The following LPAR1 variants were observed in gnomAD, a reference collection of about 807,000 sequenced individuals.
LPAR1 encodes the protein LPA receptor 1.
Under a neutral mutation model 23.8 loss-of-function variants are expected in LPAR1, and 5 were observed. The observed-to-expected ratio is 0.21, with a 90% CI of 0.11 to 0.44. The LOEUF (loss-of-function observed/expected upper bound fraction) is 0.44, where lower values mean the gene tolerates loss of function less well. Ranked by LOEUF, LPAR1 falls within the 20% of genes least tolerant of loss-of-function variation. The pLI is 0.99. For missense variants in LPAR1, 311 were observed against 482.8 expected (o/e 0.64, Z 3.33); for synonymous variants, 160 against 164.7 (o/e 0.97, Z 0.22).
intron 2 of LPAR1, among the ~76,000 whole-genome samples, chr9:111,022,541 A>G (rs1012503454): frequency 6.6e-6 from 1 of 152,256 alleles, no homozygotes; most frequent in African/African-American, 2.4e-5. Context: ...TTACCATTAT[A>G]TTCAAATCAA....
At chr9:110,958,641 C>A (rs371976675) in intron 4 of LPAR1, among the ~76,000 whole-genome samples, 1 of 151,974 alleles carries the variant, frequency 6.6e-6, no homozygotes, top group Non-Finnish European at 1.5e-5. Context: ...GGAAACACTT[C>A]GGGGCACTGA....
chr9:110,963,647 T>G, intron 4 of LPAR1, among the ~76,000 whole-genome samples: 1 of 151,914 alleles, frequency 6.6e-6, no homozygotes, highest in South Asian at 2.1e-4. Context: ...ACCCTAAAAC[T>G]TAAAGTGTAA....
chr9:111,019,613 A>G (rs1811259), intron 2 of LPAR1, among the ~76,000 whole-genome samples: 96,926 of 151,722 alleles, frequency 0.64, 31,973 homozygotes, highest in African/African-American at 0.81. Flanking sequence ...CGAGGCGGGC[A>G]GATCACAAGG....
chr9:110,932,801 T>C (rs2094488285), intron 5 of LPAR1, among the ~76,000 whole-genome samples: 1 of 152,182 alleles, frequency 6.6e-6, no homozygotes, highest in Admixed American at 6.5e-5. Context: ...AGTTGGAACA[T>C]TTCATCCCTA....
At chr9:110,897,586 T>C (rs1195888742) in intron 5 of LPAR1, among the ~76,000 whole-genome samples, 2 of 152,208 alleles carry the variant, frequency 1.3e-5, no homozygotes, top group Admixed American at 6.5e-5. Context: ...CATTCATCTG[T>C]TTATCTGAAT....
chr9:110,883,923 C>CT (rs72157511), intron 5 of LPAR1, among the ~76,000 whole-genome samples: 155 of 151,588 alleles, frequency 1.0e-3, no homozygotes, highest in Non-Finnish European at 1.6e-3. Flanking sequence ...TAACGTACAT[C>CT]TTTTTTTTGG....
At chr9:110,959,635 AT>A (rs745736428) in intron 4 of LPAR1, among the ~76,000 whole-genome samples, 1 of 152,136 alleles carries the variant, frequency 6.6e-6, no homozygotes, top group Non-Finnish European at 1.5e-5. Flanking sequence ...AAACAAAAAA[AT>A]AAACAAAAAA....
chr9:110,961,083 A>C (rs1381485257), intron 4 of LPAR1, among the ~76,000 whole-genome samples: 1 of 151,654 alleles, frequency 6.6e-6, no homozygotes, highest in Non-Finnish European at 1.5e-5. Flanking sequence ...TTTTATTACA[A>C]AACAGCTTAT....
chr9:110,960,645 A>C (rs551871519), intron 4 of LPAR1, among the ~76,000 whole-genome samples: 1 of 152,178 alleles, frequency 6.6e-6, no homozygotes, highest in African/African-American at 2.4e-5. Context: ...AATTTTTTTT[A>C]AAAAAGGAAA....
At chr9:110,922,291 G>A (rs964351235) in intron 5 of LPAR1, among the ~76,000 whole-genome samples, 4 of 152,014 alleles carry the variant, frequency 2.6e-5, no homozygotes, top group African/African-American at 9.7e-5. Flanking sequence ...TCTGAACTAC[G>A]AGCATAAAGT....
At chr9:110,888,847 GA>G (rs2083194626) in intron 5 of LPAR1, among the ~76,000 whole-genome samples, 1 of 152,124 alleles carries the variant, frequency 6.6e-6, no homozygotes, top group Non-Finnish European at 1.5e-5. Context: ...GAGAGAATGA[GA>G]AAAGTAAAAA....
chr9:111,004,304 G>A (rs1288316106), intron 2 of LPAR1, among the ~76,000 whole-genome samples: 13 of 152,118 alleles, frequency 8.5e-5, no homozygotes, highest in African/African-American at 3.1e-4. Flanking sequence ...TCATTTCCCA[G>A]TCCTCAGAAT....
intron 2 of LPAR1, among the ~76,000 whole-genome samples, chr9:110,992,665 A>T (rs1357952547): frequency 2.0e-5 from 3 of 152,196 alleles, no homozygotes; most frequent in African/African-American, 4.8e-5. Context: ...AAAACAAATG[A>T]ACTACTGGTA....
chr9:110,953,785 T>C (rs926569241), intron 4 of LPAR1, among the ~76,000 whole-genome samples: 22 of 151,948 alleles, frequency 1.4e-4, no homozygotes, highest in African/African-American at 5.1e-4. Context: ...ACCAACACCA[T>C]AGATACATCT....
chr9:110,963,020 T>G (rs1164514911), intron 4 of LPAR1, among the ~76,000 whole-genome samples: 1 of 152,136 alleles, frequency 6.6e-6, no homozygotes, highest in Non-Finnish European at 1.5e-5. Context: ...TCTAGGGGTA[T>G]GAAAACGAGA....
At chr9:110,993,323 T>C (rs2096932903) in intron 2 of LPAR1, among the ~76,000 whole-genome samples, 1 of 152,194 alleles carries the variant, frequency 6.6e-6, no homozygotes, top group Non-Finnish European at 1.5e-5. Context: ...CCCCTGCCTG[T>C]GTCCATGTGT....
chr9:110,905,080 T>C (rs2090755533), intron 5 of LPAR1, among the ~76,000 whole-genome samples: 1 of 150,528 alleles, frequency 6.6e-6, no homozygotes, highest in Non-Finnish European at 1.5e-5. Context: ...GGTCACCTAT[T>C]TACTGCTGTT....
At chr9:110,895,953 T>C (rs958756648) in intron 5 of LPAR1, among the ~76,000 whole-genome samples, 6 of 152,116 alleles carry the variant, frequency 3.9e-5, no homozygotes, top group Admixed American at 1.3e-4. Flanking sequence ...CATTTACCCA[T>C]CCATTTCGTA....
chr9:110,964,976 T>C (rs1175032656), intron 4 of LPAR1, among the ~76,000 whole-genome samples: 2 of 148,350 alleles, frequency 1.3e-5, no homozygotes, highest in Non-Finnish European at 3.0e-5. Flanking sequence ...GTTCAAGCAA[T>C]TCTCCTGTCT....
Sources: allele counts gnomAD v4.1 joint callset (sites outside exome capture counted in the v4.1 genomes callset), GRCh38; gene constraint gnomAD v4.1.1; transcripts MANE v1.5; gene names NCBI Gene and HGNC (gene_info 2026-07-23, HGNC 2026-07-21).